FRMPD1: variants seen among roughly 807,000 people sequenced by gnomAD.
FRMPD1 encodes FERM and PDZ domain-containing protein 1.
FRMPD1 carries 76 observed loss-of-function variants against 117.8 expected under a neutral mutation model. That is an observed-to-expected ratio of 0.65 (90% CI 0.54 to 0.78). FRMPD1 has a LOEUF of 0.78. Among genes scored for constraint, FRMPD1 ranks in the 30% least tolerant of loss-of-function variants. The probability of loss-of-function intolerance (pLI) is 0.00; values close to 1 mark genes in which losing one functional copy is unlikely to be tolerated. For missense variants in FRMPD1, 1,786 were observed against 1,964.5 expected (o/e 0.91, Z 1.72); for synonymous variants, 783 against 770.4 (o/e 1.02, Z -0.27).
intron 2 of FRMPD1, chr9:37,693,025 C>G (rs778369649): frequency 3.8e-5 from 18 of 473,982 alleles, no homozygotes; most frequent in Non-Finnish European, 6.2e-5. Flanking sequence ...CAGAAATACA[C>G]TCATACATAC....
At chr9:37,703,227 T>G (rs955014528) in intron 2 of FRMPD1, among the ~76,000 whole-genome samples, 13 of 152,208 alleles carry the variant, frequency 8.5e-5, no homozygotes, top group Non-Finnish European at 1.6e-4. Flanking sequence ...GAATTGCCAG[T>G]TTGTATTGTC....
At position 37,731,090 on chromosome 9, in the gene FRMPD1, A is replaced by AC. The variant is rs1823858401; in HGVS notation, c.847dup (p.Leu283ProfsTer21). On this transcript the variant is annotated frameshift_variant, in exon 9 of 16. Transcript: ENST00000377765. LOFTEE classifies it high-confidence loss of function. ...AAAGAAGACCCCGTGGCCTTTGAAT[A>AC]CCTCTATCTGCAGGTGACTGGGTCT... is the stretch of plus-strand genomic sequence containing the variant. The AC allele has an allele frequency of 6.2e-7, 1 of 1,613,574 alleles. No homozygotes were observed. The highest frequency in any genetic ancestry group is 8.5e-7 in the Non-Finnish European group (1 of 1,179,584).
chr9:37,695,033 AG>A (rs1822272529), intron 2 of FRMPD1, among the ~76,000 whole-genome samples: 2 of 152,210 alleles, frequency 1.3e-5, no homozygotes, highest in African/African-American at 2.4e-5. Flanking sequence ...ATAGATAGAT[AG>A]ATAGATAGAT....
chr9:37,724,374 G>A (rs1823532720), intron 7 of FRMPD1, 54 bp downstream of exon 7: 1 of 925,644 alleles, frequency 1.1e-6, no homozygotes, highest in Non-Finnish European at 1.8e-6. Context: ...CTGGCTGCTA[G>A]GACCCCCCAG....
chr9:37,723,194 G>C (rs137871266), intron 6 of FRMPD1, among the ~76,000 whole-genome samples: 102 of 152,262 alleles, frequency 6.7e-4, no homozygotes, highest in African/African-American at 2.4e-3. Flanking sequence ...AATCCTACAA[G>C]GTAGAGTCTA....
At chr9:37,695,888 C>G (rs1822301838) in intron 2 of FRMPD1, among the ~76,000 whole-genome samples, 1 of 151,970 alleles carries the variant, frequency 6.6e-6, no homozygotes, top group African/African-American at 2.4e-5. Flanking sequence ...TAAAATGTTC[C>G]TGTCCCATGC....
At chr9:37,735,010 G>A (rs548456529) in intron 12 of FRMPD1, among the ~76,000 whole-genome samples, 1 of 152,208 alleles carries the variant, frequency 6.6e-6, no homozygotes, top group African/African-American at 2.4e-5. Context: ...GGCACTGCGG[G>A]TTACAAATAG....
chr9:37,603,267 C>T, the FRMPD1 span, among the ~76,000 whole-genome samples: 2 of 152,172 alleles, frequency 1.3e-5, no homozygotes, highest in Non-Finnish European at 2.9e-5. Context: ...CTGGTCTCTA[C>T]AGTCTCTTCC....
rs1588954593 is a variant in FRMPD1, at chr9:37,719,134, G to A, written c.474G>A (p.Lys158=). The A allele has an allele frequency of 3.7e-6, 6 of 1,613,526 alleles. No individual in the cohort carries two copies. Among genetic ancestry groups the A allele is most frequent in the South Asian group, 3.3e-5 (3 of 91,080 alleles). The change falls in exon 6 of 16, where the codon AAG becomes AAA. Residue 158 remains lysine, a synonymous_variant. Coordinates refer to ENST00000377765, the MANE Select transcript of FRMPD1 (RefSeq NM_014907.3). ...KRARLKTNPV[K]VHFAEEVLIS... ...CCAGACTGAAGACCAACCCCGTGAA[G>A]GTGCACTTTGCTGAAGAAGTGCTCA...
At chr9:37,719,857 G>A (rs1175054746) in intron 6 of FRMPD1, among the ~76,000 whole-genome samples, 1 of 152,210 alleles carries the variant, frequency 6.6e-6, no homozygotes, top group East Asian at 1.9e-4. Context: ...GTTGGCTAGA[G>A]TTTGATTTTA....
the FRMPD1 span, among the ~76,000 whole-genome samples, chr9:37,617,496 T>C: frequency 6.6e-6 from 1 of 152,250 alleles, no homozygotes; most frequent in African/African-American, 2.4e-5. Flanking sequence ...ATTGTGAGGA[T>C]TAAATATGCT....
the FRMPD1 span, among the ~76,000 whole-genome samples, chr9:37,610,743 C>T: frequency 2.3e-3 from 348 of 152,088 alleles, 1 homozygote; most frequent in South Asian, 4.0e-3. Context: ...TACAGGCGTG[C>T]GCCATCACAC....
At chr9:37,642,667 C>T in the FRMPD1 span, among the ~76,000 whole-genome samples, 4 of 152,220 alleles carry the variant, frequency 2.6e-5, no homozygotes, top group African/African-American at 4.8e-5. Context: ...AAGCTATTCA[C>T]ATTGCCTGGA....
chr9:37,684,808 C>T (rs926964638), intron 1 of FRMPD1, among the ~76,000 whole-genome samples: 1 of 152,164 alleles, frequency 6.6e-6, no homozygotes, highest in African/African-American at 2.4e-5. Context: ...GGCTACAGTG[C>T]AGTGGCATGG....
chr9:37,679,078 C>T (rs570277886), intron 1 of FRMPD1, among the ~76,000 whole-genome samples: 2 of 152,332 alleles, frequency 1.3e-5, no homozygotes, highest in Admixed American at 6.5e-5. Context: ...ATGGTCTTGC[C>T]ATCTACTGTG....
At chr9:37,715,530 C>T (rs1299688005) in intron 5 of FRMPD1, 9 of 418,878 alleles carry the variant, frequency 2.1e-5, no homozygotes, top group Non-Finnish European at 3.8e-5. Flanking sequence ...CTTAGTTCAG[C>T]GAAAAACATG....
chr9:37,606,246 T>C, the FRMPD1 span, among the ~76,000 whole-genome samples: 1 of 152,300 alleles, frequency 6.6e-6, no homozygotes, highest in East Asian at 1.9e-4. Context: ...CAGTAGGGCA[T>C]ATTTATCCCG....
chr9:37,674,601 T>A (rs111429713), intron 1 of FRMPD1, among the ~76,000 whole-genome samples: 14,364 of 152,178 alleles, frequency 0.094, 963 homozygotes, highest in African/African-American at 0.19. Context: ...AAGACATACC[T>A]GAGACTCGGA....
the FRMPD1 span, among the ~76,000 whole-genome samples, chr9:37,626,500 CA>C: frequency 0.49 from 42,368 of 86,534 alleles, 8,621 homozygotes; most frequent in Non-Finnish European, 0.55. Flanking sequence ...GACTTAGTCT[CA>C]AAAAAAAAAA....
Sources: gnomAD v4.1 joint callset for allele counts (sites outside exome capture counted in the v4.1 genomes callset) on GRCh38, gnomAD v4.1.1 for gene constraint, MANE v1.5 for transcripts, NCBI Gene and HGNC (gene_info 2026-07-23, HGNC 2026-07-21) for gene names.